The following NFATC2 variants were observed in gnomAD, a reference collection of about 807,000 sequenced individuals.
NFATC2 encodes nuclear factor of activated T-cells, cytoplasmic 2.
In NFATC2, 22 loss-of-function variants were observed where a neutral mutation model predicts 87.3. The ratio of observed to expected loss-of-function variants is 0.25; its 90% confidence interval spans 0.18 to 0.36. The LOEUF is 0.36. Among genes scored for constraint, NFATC2 ranks in the 10% least tolerant of loss-of-function variants. The pLI is 1.00. For missense variants in NFATC2, 1,149 were observed against 1,259.1 expected, an observed-to-expected ratio of 0.91 and a Z score of 1.32; for synonymous variants, 565 against 542.2, an observed-to-expected ratio of 1.04 and a Z score of -0.58.
intron 9 of NFATC2, among the ~76,000 whole-genome samples, chr20:51,418,187 A>C (rs1289281570): frequency 6.6e-6 from 1 of 152,202 alleles, no homozygotes; most frequent in Non-Finnish European, 1.5e-5. Context: ...TCCACCAGTA[A>C]CAATCTTTTT....
At chr20:51,426,361 C>G (rs1033757246) in intron 9 of NFATC2, among the ~76,000 whole-genome samples, 1 of 152,028 alleles carries the variant, frequency 6.6e-6, no homozygotes, top group Non-Finnish European at 1.5e-5. Flanking sequence ...ACCTGTAGTC[C>G]CAGCTACTTG....
intron 1 of NFATC2, among the ~76,000 whole-genome samples, chr20:51,530,658 G>A (rs2076618421): frequency 6.6e-6 from 1 of 152,170 alleles, no homozygotes; most frequent in Non-Finnish European, 1.5e-5. Flanking sequence ...GGGATTCAGA[G>A]GTTGCTGCTC....
intron 9 of NFATC2, among the ~76,000 whole-genome samples, chr20:51,414,478 CA>C (rs1452035609): frequency 6.6e-6 from 1 of 152,056 alleles, no homozygotes; most frequent in African/African-American, 2.4e-5. Flanking sequence ...CACCTGAGGT[CA>C]GGAGTTCGAG....
chr20:51,391,420 T>C lies in NFATC2; in HGVS notation c.*76A>G, dbSNP rs772798607. On this transcript the variant is annotated 3_prime_UTR_variant, in exon 11 of 11. Transcript: ENST00000371564. ...TTTACGTCTGATTTCTGGCAGGAGG[T>C]CCTGAAAACTCCTTCCTGATAATTT... 1.4e-6 allele frequency: 2 copies of C among 1,436,298 alleles called. No homozygotes were observed. The highest frequency in any genetic ancestry group is 9.3e-7 in the Non-Finnish European group (1 of 1,072,296). The allele number at this position is 1,436,298 out of a possible 1,614,324, so 89.0% of individuals were successfully genotyped here. A position where few individuals can be genotyped will look rare whatever the true frequency, so the allele number is the denominator to read the frequency against.
intron 1 of NFATC2, among the ~76,000 whole-genome samples, chr20:51,531,845 T>G (rs1339932108): frequency 6.6e-6 from 1 of 152,186 alleles, no homozygotes; most frequent in African/African-American, 2.4e-5. Flanking sequence ...AACGCACTAG[T>G]CCCCAACCCC....
intron 9 of NFATC2, among the ~76,000 whole-genome samples, chr20:51,413,907 G>A (rs1979650659): frequency 6.6e-6 from 1 of 152,238 alleles, no homozygotes; most frequent in South Asian, 2.1e-4. Flanking sequence ...CGGCTGCCAT[G>A]AGGGTTAAAT....
At chr20:51,466,931 G>T (rs778452890) in intron 5 of NFATC2, among the ~76,000 whole-genome samples, 19 of 151,926 alleles carry the variant, frequency 1.3e-4, no homozygotes, top group Non-Finnish European at 2.2e-4. Context: ...AATTAGCTGG[G>T]CATGGTGGCA....
intron 1 of NFATC2, among the ~76,000 whole-genome samples, chr20:51,554,417 G>A (rs2076960502): frequency 1.3e-5 from 2 of 152,132 alleles, no homozygotes; most frequent in Non-Finnish European, 2.9e-5. Flanking sequence ...GATTGAAGTG[G>A]GTCATCAGGA....
At chr20:51,485,369 G>T (rs994022658) in intron 3 of NFATC2, among the ~76,000 whole-genome samples, 2 of 152,166 alleles carry the variant, frequency 1.3e-5, no homozygotes, top group African/African-American at 4.8e-5. Flanking sequence ...TCCACTCTCA[G>T]CTTCCAGCTT....
chr20:51,403,073 G>A (rs1008718628), intron 9 of NFATC2, among the ~76,000 whole-genome samples: 3 of 152,124 alleles, frequency 2.0e-5, no homozygotes, highest in South Asian at 2.1e-4. Context: ...ACATTCTCCC[G>A]AAGCCCAACT....
At chr20:51,513,240 G>A (rs2076299767) in intron 3 of NFATC2, among the ~76,000 whole-genome samples, 1 of 152,228 alleles carries the variant, frequency 6.6e-6, no homozygotes, top group South Asian at 2.1e-4. Flanking sequence ...CACTTTGGGA[G>A]GATGAGGTGG....
intron 10 of NFATC2, among the ~76,000 whole-genome samples, chr20:51,395,245 G>A (rs1035628560): frequency 1.3e-5 from 2 of 149,834 alleles, no homozygotes; most frequent in Non-Finnish European, 1.5e-5. Context: ...GGGAAATAGA[G>A]ACAGGCAGAC....
chr20:51,538,280 T>G (rs1427409775), intron 1 of NFATC2, among the ~76,000 whole-genome samples: 1 of 152,132 alleles, frequency 6.6e-6, no homozygotes, highest in Non-Finnish European at 1.5e-5. Context: ...AATCTAATAA[T>G]GTATGCCAAC....
At chr20:51,446,037 C>T (rs1985013646) in intron 6 of NFATC2, among the ~76,000 whole-genome samples, 1 of 152,198 alleles carries the variant, frequency 6.6e-6, no homozygotes, top group Admixed American at 6.5e-5. Flanking sequence ...TCAGGCCCAG[C>T]CCTCCACTGA....
chr20:51,452,409 C>T (rs1398322534), intron 6 of NFATC2, among the ~76,000 whole-genome samples: 1 of 152,152 alleles, frequency 6.6e-6, no homozygotes, highest in Non-Finnish European at 1.5e-5. Flanking sequence ...CACTGGAGGC[C>T]ATCCTGGGAG....
At chr20:51,398,184 T>C (rs982232277) in intron 10 of NFATC2, among the ~76,000 whole-genome samples, 5 of 151,986 alleles carry the variant, frequency 3.3e-5, no homozygotes, top group African/African-American at 1.2e-4. Context: ...GGAATCAGGA[T>C]TGGAAATGAC....
At chr20:51,426,735 CTG>C (rs763245826) in intron 9 of NFATC2, among the ~76,000 whole-genome samples, 18 of 152,110 alleles carry the variant, frequency 1.2e-4, no homozygotes, top group Non-Finnish European at 2.2e-4. Context: ...ACATGAATCT[CTG>C]GAGTTAGAAG....
intron 3 of NFATC2, among the ~76,000 whole-genome samples, chr20:51,508,482 T>G (rs2076220720): frequency 6.6e-6 from 1 of 152,054 alleles, no homozygotes; most frequent in South Asian, 2.1e-4. Flanking sequence ...CAAATTTTAA[T>G]GAAATCACCA....
chr20:51,475,152 A>G, intron 4 of NFATC2, among the ~76,000 whole-genome samples: 1 of 151,978 alleles, frequency 6.6e-6, no homozygotes. Flanking sequence ...TATGTTTAAT[A>G]GAGATGGGGT....
Sources: gnomAD v4.1 joint callset for allele counts (sites outside exome capture counted in the v4.1 genomes callset) on GRCh38, gnomAD v4.1.1 for gene constraint, MANE v1.5 for transcripts, NCBI Gene and HGNC (gene_info 2026-07-23, HGNC 2026-07-21) for gene names.